The following UBE2E2 variants were observed in gnomAD, a reference collection of about 807,000 sequenced individuals.
UBE2E2 encodes ubiquitin conjugating enzyme E2 E2.
A neutral mutation model predicts 24.7 loss-of-function variants in UBE2E2; 6 were observed. That is an observed-to-expected ratio of 0.24 (90% CI 0.13 to 0.48). The LOEUF (loss-of-function observed/expected upper bound fraction) is 0.48. Among genes scored for constraint, UBE2E2 ranks in the 20% least tolerant of loss-of-function variants. UBE2E2 has a pLI of 0.99. For synonymous variants in UBE2E2, 104 were observed against 83.6 expected (o/e 1.24, Z -1.33); for missense variants, 169 against 245.0 (o/e 0.69, Z 2.07).
chr3:23,297,153 G>T (rs577250996), intron 3 of UBE2E2, among the ~76,000 whole-genome samples: 163 of 152,190 alleles, frequency 1.1e-3, no homozygotes, highest in African/African-American at 3.3e-3. Flanking sequence ...TTTTGATGGG[G>T]TTGTTTGTTT....
chr3:23,205,894 A>G (rs1265850315), intron 1 of UBE2E2, among the ~76,000 whole-genome samples: 3 of 152,214 alleles, frequency 2.0e-5, no homozygotes, highest in Admixed American at 1.3e-4. Flanking sequence ...TTAAGTAATT[A>G]TATAACTATG....
At chr3:23,385,483 C>T (rs74704376) in intron 3 of UBE2E2, among the ~76,000 whole-genome samples, 4,681 of 152,218 alleles carry the variant, frequency 0.031, 102 homozygotes, top group Non-Finnish European at 0.045. Context: ...TATAGCATCC[C>T]GCATGGTTTC....
intron 3 of UBE2E2, among the ~76,000 whole-genome samples, chr3:23,374,347 C>T (rs1293355430): frequency 6.6e-6 from 1 of 151,972 alleles, no homozygotes; most frequent in Non-Finnish European, 1.5e-5. Context: ...TTTTAAAAGA[C>T]AGATTATGTA....
At chr3:23,566,960 G>A (rs1283738620) in intron 5 of UBE2E2, among the ~76,000 whole-genome samples, 2 of 152,214 alleles carry the variant, frequency 1.3e-5, no homozygotes, top group African/African-American at 2.4e-5. Flanking sequence ...CACTATGGCA[G>A]TATCAGTAGT....
At chr3:23,229,801 G>A (rs1696925862) in intron 3 of UBE2E2, among the ~76,000 whole-genome samples, 1 of 152,184 alleles carries the variant, frequency 6.6e-6, no homozygotes, top group African/African-American at 2.4e-5. Flanking sequence ...TGGACATCGA[G>A]TATTTGAAAG....
chr3:23,416,903 G>T (rs1295868472), intron 3 of UBE2E2, among the ~76,000 whole-genome samples: 1 of 152,072 alleles, frequency 6.6e-6, no homozygotes, highest in Non-Finnish European at 1.5e-5. Context: ...GCTCCATCAG[G>T]TCATTTATGT....
intron 3 of UBE2E2, among the ~76,000 whole-genome samples, chr3:23,358,299 A>G (rs1390803803): frequency 6.6e-6 from 1 of 151,730 alleles, no homozygotes; most frequent in African/African-American, 2.4e-5. Flanking sequence ...AGCAAACACA[A>G]ACATACTGAA....
intron 3 of UBE2E2, among the ~76,000 whole-genome samples, chr3:23,295,879 G>A (rs565062147): frequency 5.9e-5 from 9 of 152,238 alleles, no homozygotes; most frequent in South Asian, 4.1e-4. Context: ...TTGATGGAGG[G>A]ATTGGAGCAG....
intron 3 of UBE2E2, among the ~76,000 whole-genome samples, chr3:23,387,032 A>C (rs1312009173): frequency 6.6e-6 from 1 of 152,260 alleles, no homozygotes; most frequent in Non-Finnish European, 1.5e-5. Flanking sequence ...ATAAAGGATT[A>C]TGAAAAAGAA....
intron 3 of UBE2E2, among the ~76,000 whole-genome samples, chr3:23,278,238 GT>G (rs1197788926): frequency 1.3e-5 from 2 of 151,996 alleles, no homozygotes; most frequent in Non-Finnish European, 2.9e-5. Flanking sequence ...ATGAAAAACA[GT>G]ATTTATTAAG....
At chr3:23,500,763 A>G (rs2055307) in intron 4 of UBE2E2, among the ~76,000 whole-genome samples, 26,250 of 152,074 alleles carry the variant, frequency 0.17, 2,425 homozygotes, top group East Asian at 0.22. Context: ...AGATAGTGTT[A>G]CCAAAGCAAA....
At chr3:23,234,321 G>A (rs1697048786) in intron 3 of UBE2E2, among the ~76,000 whole-genome samples, 2 of 151,942 alleles carry the variant, frequency 1.3e-5, no homozygotes, top group Non-Finnish European at 2.9e-5. Flanking sequence ...GGGGACTCCT[G>A]ACTGGACTTT....
chr3:23,239,007 T>TG (rs1302652875), intron 3 of UBE2E2, among the ~76,000 whole-genome samples: 2 of 152,200 alleles, frequency 1.3e-5, no homozygotes, highest in East Asian at 3.8e-4. Context: ...TTTTGGAACA[T>TG]GCGTGAATTT....
At chr3:23,457,239 G>T (rs1698699061) in intron 3 of UBE2E2, among the ~76,000 whole-genome samples, 1 of 152,142 alleles carries the variant, frequency 6.6e-6, no homozygotes. Context: ...GCATTGAAGG[G>T]AGTTTGCCAA....
intron 3 of UBE2E2, among the ~76,000 whole-genome samples, chr3:23,480,061 G>A (rs1431131116): frequency 2.6e-5 from 4 of 152,046 alleles, no homozygotes; most frequent in East Asian, 1.9e-4. Context: ...GCCCCTTCCC[G>A]CCTAGGAACC....
At chr3:23,279,412 G>A (rs924968120) in intron 3 of UBE2E2, among the ~76,000 whole-genome samples, 2 of 152,172 alleles carry the variant, frequency 1.3e-5, no homozygotes, top group African/African-American at 4.8e-5. Context: ...TCCAGGGTCT[G>A]TCTTACATAT....
rs1483729886 is a variant in UBE2E2 at position 23,208,736 on chromosome 3, A to G, written c.37A>G (p.Ser13Gly). 4 of 1,613,264 alleles carry G rather than the reference A, an allele frequency of 2.5e-6. No homozygotes were observed. The African/African-American group carries it at 4.0e-5, about 16-fold the overall frequency. Residue 13 changes from serine to glycine, a missense_variant, in exon 2 of 6, where the codon AGC becomes GGC. Physicochemically the swap from Ser to Gly is moderately conservative, Grantham distance 56. This residue lies in a region of UBE2E2 where 64 missense variants were observed against 64.3 expected (regional missense o/e 1.00). Transcript: ENST00000396703. The part of the protein sequence containing the change: ...TEAQRVDDSP[S>G]TSGGSSDGDQ... Reference sequence around the variant, plus strand: ...GGCACAAAGAGTTGATGACAGTCCAAGCACTAGTGGAGGAAGTTCCGATGG... The same window carrying G: ...GGCACAAAGAGTTGATGACAGTCCAGGCACTAGTGGAGGAAGTTCCGATGG...
chr3:23,571,763 A>G (rs1051371606), intron 5 of UBE2E2, among the ~76,000 whole-genome samples: 2 of 152,174 alleles, frequency 1.3e-5, no homozygotes, highest in African/African-American at 4.8e-5. Context: ...AGTCTCCTTG[A>G]AGACACTCTG....
At chr3:23,503,230 C>G (rs1272589037) in intron 4 of UBE2E2, among the ~76,000 whole-genome samples, 1 of 151,554 alleles carries the variant, frequency 6.6e-6, no homozygotes, top group East Asian at 1.9e-4. Flanking sequence ...CGCTCTTTTG[C>G]CTAAGCTGGA....
Sources: gnomAD v4.1 joint callset for allele counts (sites outside exome capture counted in the v4.1 genomes callset) on GRCh38, gnomAD v4.1.1 for gene constraint, gnomAD v4.1.1 regional missense constraint, MANE v1.5 for transcripts, NCBI Gene and HGNC (gene_info 2026-07-23, HGNC 2026-07-21) for gene names.